Variants in DHRS3 observed in about 807,000 individuals in gnomAD.
DHRS3 encodes the protein short-chain dehydrogenase/reductase 3.
DHRS3 carries 14 observed loss-of-function variants against 27.2 expected under a neutral mutation model. That is an observed-to-expected ratio of 0.52 (90% CI 0.34 to 0.81). The LOEUF (loss-of-function observed/expected upper bound fraction) is 0.81. Ranked by LOEUF, DHRS3 falls within the 30% of genes least tolerant of loss-of-function variation. DHRS3 has a pLI of 0.01. For synonymous variants in DHRS3, 165 were observed against 175.9 expected, an observed-to-expected ratio of 0.94 and a Z score of 0.49; for missense variants, 322 against 406.2, an observed-to-expected ratio of 0.79 and a Z score of 1.78.
intron 5 of DHRS3, 103 bp from the exon 6 acceptor site, chr1:12,568,527 C>A: frequency 9.3e-7 from 1 of 1,080,878 alleles, no homozygotes; most frequent in Non-Finnish European, 1.4e-6. Context: ...AGGGCTGGTT[C>A]CTGAAAGTGC....
rs1023037562 is a variant in DHRS3 at position 12,594,186 on chromosome 1, A to G, written c.196-13520T>C. On this transcript the variant is annotated intron_variant, in intron 1 of 5. Coordinates refer to ENST00000616661, the MANE Select transcript of DHRS3 (RefSeq NM_004753.7). This position sits in a 1 kb window ranked among gnomAD's most constrained non-coding sequence, Gnocchi z 4.1. ...ACCGGGGTGGGATTCAAATTTGGACAGTCTAAGTAACTCATGCAGGCTGCA... is the reference window on the plus strand; with the variant it reads ...ACCGGGGTGGGATTCAAATTTGGACGGTCTAAGTAACTCATGCAGGCTGCA... Among the ~76,000 whole-genome samples, 1 of 152,196 alleles carries G rather than the reference A, an allele frequency of 6.6e-6. No individual in the cohort carries two copies. The highest frequency in any genetic ancestry group is 1.5e-5 in the Non-Finnish European group (1 of 68,032).
Position 12,617,368 on chromosome 1 carries a change from G to C in DHRS3, c.-20C>G. 1 of 1,592,064 alleles carries C rather than the reference G, an allele frequency of 6.3e-7. No homozygotes were observed. The highest frequency in any genetic ancestry group is 1.7e-5 in the Admixed American group (1 of 58,952). On this transcript the variant is annotated 5_prime_UTR_variant, in exon 1 of 6. Coordinates refer to ENST00000616661, the MANE Select transcript of DHRS3 (RefSeq NM_004753.7). The stretch of plus-strand genomic sequence containing the variant: ...CACCATCCTCCGCGCCGCGGAGCCG[G>C]GCAGGGGGCGAAACTCCCCGGGCCG...
intron 1 of DHRS3, among the ~76,000 whole-genome samples, chr1:12,598,089 T>C (rs942551523): frequency 6.6e-6 from 1 of 152,190 alleles, no homozygotes; most frequent in African/African-American, 2.4e-5. Flanking sequence ...AGGTGACACC[T>C]GCCAAACTAA....
chr1:12,568,544 C>G, intron 5 of DHRS3, 120 bp from the exon 6 acceptor site: 2 of 874,608 alleles, frequency 2.3e-6, no homozygotes, highest in Non-Finnish European at 3.7e-6. Context: ...GTGCTCCCCA[C>G]ACCTCCAAGC....
Position 12,572,709 on chromosome 1 carries a change from T to C in DHRS3, c.824+19A>G, listed in dbSNP as rs1489290760. ...GCGTACTTTCCCCTGACCCAGAGTG[T>C]TCTTTCCCAGCCCCATACCTTTTCA... is the stretch of plus-strand genomic sequence containing the variant. On this transcript the variant is annotated intron_variant, in intron 5 of 5. Transcript: ENST00000616661. 1 of 1,574,936 alleles carries C rather than the reference T, an allele frequency of 6.3e-7. No homozygotes were observed. The highest frequency in any genetic ancestry group is 1.9e-5 in the Admixed American group (1 of 53,258).
Position 12,574,513 on chromosome 1 carries a change from G to C in DHRS3, c.699-1660C>G, listed in dbSNP as rs1395187452. Among the ~76,000 whole-genome samples, 1 of 152,158 alleles carries C rather than the reference G, an allele frequency of 6.6e-6. No homozygotes were observed. The highest frequency in any genetic ancestry group is 1.5e-5 in the Non-Finnish European group (1 of 68,032). Reference sequence around the variant, plus strand: ...GGCCCACAGCCCTGTGGTCAAGAGGGGCCAGCCTCTGCCATTCTACAGAGA... The same window carrying C: ...GGCCCACAGCCCTGTGGTCAAGAGGCGCCAGCCTCTGCCATTCTACAGAGA... On this transcript the variant is annotated intron_variant, in intron 4 of 5. Transcript: ENST00000616661. This position sits in a 1 kb window ranked among gnomAD's most constrained non-coding sequence, Gnocchi z 4.6.
At chr1:12,585,680 A>G (rs1646691496) in intron 1 of DHRS3, among the ~76,000 whole-genome samples, 1 of 152,034 alleles carries the variant, frequency 6.6e-6, no homozygotes, top group Admixed American at 6.6e-5. Context: ...TGCGTCACTG[A>G]CCAGGTAACT....
In DHRS3 at chr1:12,591,852, A is replaced by C. The variant is rs1361842904; in HGVS notation, c.196-11186T>G. On this transcript the variant is annotated intron_variant, in intron 1 of 5. Coordinates refer to ENST00000616661, the MANE Select transcript of DHRS3 (RefSeq NM_004753.7). This position sits in a 1 kb window ranked among gnomAD's most constrained non-coding sequence, Gnocchi z 4.1. ...GTACAGTGAGCTGATGCCATGTCCAAGGACTGGACAGAAAGGTGTCCACCT... is the reference window on the plus strand; with the variant it reads ...GTACAGTGAGCTGATGCCATGTCCACGGACTGGACAGAAAGGTGTCCACCT... Among the ~76,000 whole-genome samples, 4 of 152,240 alleles carry C rather than the reference A, an allele frequency of 2.6e-5. No individual in the cohort carries two copies. The highest frequency in any genetic ancestry group is 9.6e-5 in the African/African-American group (4 of 41,466).
At chr1:12,616,916 C>T in intron 1 of DHRS3, 1 of 872,390 alleles carries the variant, frequency 1.1e-6, no homozygotes, top group Non-Finnish European at 1.7e-6. Flanking sequence ...GGTGAATAGC[C>T]AGTCAGCCAG....
chr1:12,590,255 TCTC>T (rs1646734230), intron 1 of DHRS3, among the ~76,000 whole-genome samples: 1 of 151,978 alleles, frequency 6.6e-6, no homozygotes, highest in Non-Finnish European at 1.5e-5. Context: ...ATTCCAGGCT[TCTC>T]CTCACTCCTG....
chr1:12,600,051 A>T (rs966439540), intron 1 of DHRS3, among the ~76,000 whole-genome samples: 5 of 152,192 alleles, frequency 3.3e-5, no homozygotes, highest in Non-Finnish European at 5.9e-5. Flanking sequence ...CAAGGCATGT[A>T]GGCTCAGAGA....
At position 12,617,333 on chromosome 1, in the gene DHRS3, G is replaced by A; in HGVS notation, c.16C>T (p.Leu6=). MVWKR[L]GALVMFPLQM... is the part of the protein sequence containing the mutation. ...AGAGGGAACATCACCAGCGCGCCCA[G>A]CCGTTTCCACACCATCCTCCGCGCC... Residue 6 remains leucine (L), a synonymous_variant, in exon 1 of 6, where the codon CTG becomes TTG. Transcript: ENST00000616661. 3 of 1,602,734 alleles carry A rather than the reference G, an allele frequency of 1.9e-6. No individual in the cohort carries two copies. Among genetic ancestry groups the A allele is most frequent in the East Asian group, 2.3e-5 (1 of 44,362 alleles).
intron 1 of DHRS3, among the ~76,000 whole-genome samples, chr1:12,584,971 CTGTA>C (rs1179653206): frequency 1.3e-5 from 2 of 149,294 alleles, no homozygotes; most frequent in Non-Finnish European, 3.0e-5. Flanking sequence ...GGGTGTCTCT[CTGTA>C]TGAGTGTATG....
chr1:12,579,174 C>G (rs1263759722), intron 3 of DHRS3, 119 bp downstream of exon 3: 2 of 1,540,876 alleles, frequency 1.3e-6, no homozygotes, highest in African/African-American at 2.7e-5. Context: ...GTCTGGCCAC[C>G]TTGTTCGTGG....
chr1:12,615,552 T>C (rs1276912368), intron 1 of DHRS3, among the ~76,000 whole-genome samples: 2 of 151,836 alleles, frequency 1.3e-5, no homozygotes, highest in Admixed American at 6.6e-5. Flanking sequence ...TGACTAAGAG[T>C]TCCTCATCTG....
rs368793678 is a variant in DHRS3, at chr1:12,569,651, T to C, written c.825-1227A>G. On this transcript the variant is annotated intron_variant, in intron 5 of 5. Transcript: ENST00000616661. ...TGCGATCTGGGGTCACTGCAACCTC[T>C]GCTTCCTGGGTTCAAGTGATTTTCC... is the stretch of plus-strand genomic sequence containing the variant. Among the ~76,000 whole-genome samples, 22 of 152,294 alleles carry C rather than the reference T, an allele frequency of 1.4e-4. No individual in the cohort carries two copies. The East Asian group carries it at 2.7e-3, about 19-fold the overall frequency.
chr1:12,617,514 G>C lies in DHRS3; in HGVS notation c.-166C>G, dbSNP rs1431519828. ...TTCCCAAATGCAAAGCACCGGGTGA[G>C]AAAAAGAAAAAAAAAAAAAAAAAAA... On this transcript the variant is annotated 5_prime_UTR_variant, in exon 1 of 6. Coordinates refer to ENST00000616661, the MANE Select transcript of DHRS3 (RefSeq NM_004753.7). 4.9e-4 allele frequency: 60 copies of C among 122,830 alleles called. No individual in the cohort carries two copies. Among genetic ancestry groups the C allele is most frequent in the East Asian group, 8.7e-4 (9 of 10,320 alleles). 7.6% of individuals were successfully genotyped at this position (122,830 alleles called of 1,614,324 possible). A position where few individuals can be genotyped will look rare whatever the true frequency, so the allele number is the denominator to read the frequency against.
rs1646742518 is a variant in DHRS3 at position 12,591,158 on chromosome 1, A to AGC, written c.196-10493_196-10492insGC. The stretch of plus-strand genomic sequence containing the variant: ...TATATCTGTTGCTGTACTAATAAAA[A>AGC]TAGTAACAGCTAGCATTTATTGGTG... On this transcript the variant is annotated intron_variant, in intron 1 of 5. Coordinates refer to ENST00000616661, the MANE Select transcript of DHRS3 (RefSeq NM_004753.7). The surrounding 1 kb of genome is among the most constrained non-coding windows in gnomAD (Gnocchi z 4.1). Among the ~76,000 whole-genome samples the AGC allele has an allele frequency of 6.6e-6, 1 of 152,232 alleles. No homozygotes were observed. Among genetic ancestry groups the AGC allele is most frequent in the Non-Finnish European group, 1.5e-5 (1 of 68,044 alleles).
At chr1:12,599,495 G>A (rs926397391) in intron 1 of DHRS3, among the ~76,000 whole-genome samples, 3 of 152,236 alleles carry the variant, frequency 2.0e-5, no homozygotes, top group Admixed American at 1.3e-4. Context: ...CGTGCATCCT[G>A]TAGAAAGCCT....
Sources: allele counts gnomAD v4.1 joint callset (sites outside exome capture counted in the v4.1 genomes callset), GRCh38; gene constraint gnomAD v4.1.1; non-coding constraint Gnocchi (gnomAD v3.1); transcripts MANE v1.5; gene names NCBI Gene and HGNC (gene_info 2026-07-23, HGNC 2026-07-21).